The following CNTNAP2 variants were observed in gnomAD, a reference collection of about 807,000 sequenced individuals.
CNTNAP2 encodes the protein contactin-associated protein-like 2.
Under a neutral mutation model 155.2 loss-of-function variants are expected in CNTNAP2, and 98 were observed. That is an observed-to-expected ratio of 0.63 (90% confidence interval 0.54 to 0.75). The LOEUF is 0.75. Among genes scored for constraint, CNTNAP2 ranks in the 30% least tolerant of loss-of-function variants. CNTNAP2 has a pLI of 0.00. For synonymous variants in CNTNAP2, 651 were observed against 631.2 expected, an observed-to-expected ratio of 1.03 and a Z score of -0.47; for missense variants, 1,727 against 1,688.1, an observed-to-expected ratio of 1.02 and a Z score of -0.40.
chr7:146,248,593 G>A lies in CNTNAP2; in HGVS notation c.97+131620G>A, dbSNP rs144930045. On this transcript the variant is annotated intron_variant, in intron 1 of 23. Coordinates refer to ENST00000361727, the MANE Select transcript of CNTNAP2 (RefSeq NM_014141.6). ...AAGAAGGGAGAGATTGACGTGTGGC[G>A]CCAAGATTGAAAGGAGAAAGAGGTT... is the stretch of plus-strand genomic sequence containing the variant. Among the ~76,000 whole-genome samples the A allele has an allele frequency of 3.2e-3, 494 of 152,244 alleles. 2 individuals carry two copies. Among genetic ancestry groups the A allele is most frequent in the Middle Eastern group, 0.014 (4 of 294 alleles).
intron 21 of CNTNAP2, among the ~76,000 whole-genome samples, chr7:148,267,700 G>A (rs1302027890): frequency 1.3e-5 from 2 of 151,258 alleles, no homozygotes; most frequent in African/African-American, 2.4e-5. Flanking sequence ...AACACATTGT[G>A]ATTGGTAATG....
chr7:147,779,080 T>C (rs938075459), intron 13 of CNTNAP2, among the ~76,000 whole-genome samples: 115 of 150,378 alleles, frequency 7.6e-4, no homozygotes, highest in African/African-American at 2.6e-3. Flanking sequence ...GCATGCAATC[T>C]TTTTTTTTGT....
rs373084862 is a variant in CNTNAP2 at position 146,519,243 on chromosome 7, T to C, written c.98-255028T>C. ...ATCGAGAAGTGTTTAGGGAAATTTG[T>C]ATCTCTCAAGAGAACAAGATCACCA... On this transcript the variant is annotated intron_variant, in intron 1 of 23. Transcript: ENST00000361727. Among the ~76,000 whole-genome samples the C allele has an allele frequency of 2.6e-5, 4 of 151,926 alleles. No individual in the cohort carries two copies. The East Asian group carries it at 5.8e-4, about 22-fold the overall frequency.
chr7:147,905,910 C>CA lies in CNTNAP2; in HGVS notation c.2255+2192dup, dbSNP rs767540827. On this transcript the variant is annotated intron_variant, in intron 14 of 23. Transcript: ENST00000361727. ...CCATCTCAAAAAACAAACAAACAAA[C>CA]AAACAAAAAAAAACTGATGGAAGAA... 5.0e-3 allele frequency among the ~76,000 whole-genome samples: 675 copies of CA among 136,124 alleles called. 2 individuals carry two copies. Among genetic ancestry groups the CA allele is most frequent in the Middle Eastern group, 0.011 (3 of 262 alleles). 89.3% of individuals were successfully genotyped at this position (136,124 alleles called of 152,430 possible).
rs78546847 is a variant in CNTNAP2, at chr7:147,237,879, G to A, written c.1349-62262G>A. Among the ~76,000 whole-genome samples the A allele has an allele frequency of 7.6e-3, 1,164 of 152,262 alleles. 14 individuals are homozygous for A. The highest frequency in any genetic ancestry group is 0.026 in the African/African-American group (1,079 of 41,538). The stretch of plus-strand genomic sequence containing the variant: ...GTCCTGGAAAAACATTTTTTATCAG[G>A]TTGTAAACACTCACTTTAAAAATTA... On this transcript the variant is annotated intron_variant, in intron 8 of 23. Transcript: ENST00000361727.
chr7:147,737,918 G>A lies in CNTNAP2; in HGVS notation c.2098+98612G>A, dbSNP rs368122773. 4.3e-3 allele frequency among the ~76,000 whole-genome samples: 656 copies of A among 152,292 alleles called. 3 individuals carry two copies. Among genetic ancestry groups the A allele is most frequent in the Middle Eastern group, 0.017 (5 of 294 alleles). Reference sequence around the variant, plus strand: ...CCCGATTTTCCAGGTGCCATTTGTCGCCCCTTCCCTTGGCTAGAAAGGGAA... The same window carrying A: ...CCCGATTTTCCAGGTGCCATTTGTCACCCCTTCCCTTGGCTAGAAAGGGAA... On this transcript the variant is annotated intron_variant, in intron 13 of 23. Coordinates refer to ENST00000361727, the MANE Select transcript of CNTNAP2 (RefSeq NM_014141.6).
intron 21 of CNTNAP2, among the ~76,000 whole-genome samples, chr7:148,340,978 A>G (rs971909266): frequency 2.0e-5 from 3 of 152,238 alleles, no homozygotes; most frequent in Non-Finnish European, 4.4e-5. Context: ...GGAGGTCTAG[A>G]CAGCCTTTGT....
chr7:146,899,532 A>G (rs547420757), intron 3 of CNTNAP2, among the ~76,000 whole-genome samples: 1 of 152,234 alleles, frequency 6.6e-6, no homozygotes, highest in South Asian at 2.1e-4. Context: ...TTTGTTTTAA[A>G]TTTCACTTTA....
intron 1 of CNTNAP2, among the ~76,000 whole-genome samples, chr7:146,354,451 G>A (rs1287853391): frequency 1.5e-5 from 2 of 133,134 alleles, no homozygotes; most frequent in Non-Finnish European, 3.1e-5. Flanking sequence ...ATCTCACTCT[G>A]TCGCCCCGCC....
At chr7:147,768,377 G>A (rs186158171) in intron 13 of CNTNAP2, among the ~76,000 whole-genome samples, 1 of 152,120 alleles carries the variant, frequency 6.6e-6, no homozygotes, top group Admixed American at 6.5e-5. Context: ...TGTATCATGA[G>A]GCCAAACTTT....
At chr7:148,309,515 G>A (rs1277920117) in intron 21 of CNTNAP2, among the ~76,000 whole-genome samples, 1 of 152,182 alleles carries the variant, frequency 6.6e-6, no homozygotes, top group Non-Finnish European at 1.5e-5. Flanking sequence ...CAAAAAGAGA[G>A]TCAGCAAAGG....
chr7:147,454,992 T>C (rs1797896396), intron 10 of CNTNAP2, among the ~76,000 whole-genome samples: 1 of 152,132 alleles, frequency 6.6e-6, no homozygotes, highest in African/African-American at 2.4e-5. Context: ...GAGCTGGCGG[T>C]ATGCCCCATG....
intron 1 of CNTNAP2, among the ~76,000 whole-genome samples, chr7:146,496,881 G>T (rs1797223439): frequency 6.6e-6 from 1 of 152,186 alleles, no homozygotes; most frequent in Admixed American, 6.5e-5. Context: ...CAACTGCAGA[G>T]CATCTGTTAA....
In CNTNAP2 at chr7:147,452,888, CAG is replaced by C. The variant is rs894893305; in HGVS notation, c.1671-33045_1671-33044del. ...GAGTGAAGGGAGAAAATAAAGAAGA[CAG>C]ACAAAGAATATAAAGGAATGAGAAA... On this transcript the variant is annotated intron_variant, in intron 10 of 23. Transcript: ENST00000361727. 7.5e-5 allele frequency among the ~76,000 whole-genome samples: 10 copies of C among 134,084 alleles called. No individual in the cohort carries two copies. The Admixed American group carries it at 8.0e-4, about 11-fold the overall frequency. 88.0% of individuals were successfully genotyped at this position (134,084 alleles called of 152,430 possible).
At chr7:147,875,519 G>T (rs938372245) in intron 13 of CNTNAP2, among the ~76,000 whole-genome samples, 3 of 152,138 alleles carry the variant, frequency 2.0e-5, no homozygotes, top group Admixed American at 6.5e-5. Context: ...GATGAGATTT[G>T]GGTGGAGATA....
At chr7:146,943,302 G>T (rs948102095) in intron 3 of CNTNAP2, among the ~76,000 whole-genome samples, 1 of 152,158 alleles carries the variant, frequency 6.6e-6, no homozygotes, top group African/African-American at 2.4e-5. Flanking sequence ...GACCAGCCTG[G>T]CCAACATGGC....
At chr7:146,384,996 T>C (rs1263059306) in intron 1 of CNTNAP2, among the ~76,000 whole-genome samples, 1 of 152,224 alleles carries the variant, frequency 6.6e-6, no homozygotes, top group Non-Finnish European at 1.5e-5. Flanking sequence ...TCAGTATATT[T>C]GGTGAATGAA....
chr7:146,879,890 G>A lies in CNTNAP2; in HGVS notation c.402+39986G>A, dbSNP rs144390832. Among the ~76,000 whole-genome samples the A allele has an allele frequency of 3.5e-3, 533 of 152,192 alleles. 7 individuals are homozygous for A. Among genetic ancestry groups the A allele is most frequent in the African/African-American group, 0.012 (479 of 41,546 alleles). Reference sequence around the variant, plus strand: ...GGGCTCACAGTTCCACGTGGCTGGGGAGGCCTCACTATCATGGCTGAAGGC... The same window carrying A: ...GGGCTCACAGTTCCACGTGGCTGGGAAGGCCTCACTATCATGGCTGAAGGC... On this transcript the variant is annotated intron_variant, in intron 3 of 23. Transcript: ENST00000361727.
Position 146,424,964 on chromosome 7 carries a change from A to C in CNTNAP2, c.97+307991A>C, listed in dbSNP as rs28704765. 7.2e-3 allele frequency among the ~76,000 whole-genome samples: 1,090 copies of C among 152,290 alleles called. 8 individuals are homozygous for C. The highest frequency in any genetic ancestry group is 0.025 in the African/African-American group (1,054 of 41,568). ...TTACAAATGAAGCCTTATAATTATC[A>C]GTGGTCCACAATCTAATACGTTTTC... On this transcript the variant is annotated intron_variant, in intron 1 of 23. Coordinates refer to ENST00000361727, the MANE Select transcript of CNTNAP2 (RefSeq NM_014141.6).
Sources: gnomAD v4.1 joint callset for allele counts (sites outside exome capture counted in the v4.1 genomes callset) on GRCh38, gnomAD v4.1.1 for gene constraint, MANE v1.5 for transcripts, NCBI Gene and HGNC (gene_info 2026-07-23, HGNC 2026-07-21) for gene names.